The following CDK8 variants were observed in gnomAD, a reference collection of about 807,000 sequenced individuals.
CDK8 encodes the protein cyclin dependent kinase 8.
Under a neutral mutation model 71.5 loss-of-function variants are expected in CDK8, and 29 were observed. That is an observed-to-expected ratio of 0.41 (90% confidence interval 0.30 to 0.55). The LOEUF is 0.55. Ranked by LOEUF, CDK8 falls within the 20% of genes least tolerant of loss-of-function variation. The pLI is 0.37. For missense variants in CDK8, 288 were observed against 572.6 expected (o/e 0.50, Z 5.07); for synonymous variants, 161 against 192.1 (o/e 0.84, Z 1.34).
chr13:26,385,177 T>A (rs1360400302), intron 5 of CDK8, 34 bp from the exon 6 acceptor site: 2 of 1,546,688 alleles, frequency 1.3e-6, no homozygotes, highest in Non-Finnish European at 1.8e-6. Context: ...AAAAATCATT[T>A]ACTTAGCATG....
chr13:26,392,621 C>T (rs897199685), intron 6 of CDK8, among the ~76,000 whole-genome samples: 4 of 152,076 alleles, frequency 2.6e-5, no homozygotes, highest in Admixed American at 2.0e-4. Flanking sequence ...CCACCACACC[C>T]GGCCGAATTT....
intron 1 of CDK8, among the ~76,000 whole-genome samples, chr13:26,257,911 TGTGTGTGTGTGA>T (rs1317505606): frequency 2.1e-5 from 3 of 139,828 alleles, no homozygotes; most frequent in African/African-American, 9.7e-5. Context: ...TGTGTGTGTG[TGTGTGTGTGTGA>T]GAGAGAGAGA....
intron 1 of CDK8, among the ~76,000 whole-genome samples, chr13:26,324,488 T>G (rs149736632): frequency 6.6e-6 from 1 of 152,188 alleles, no homozygotes; most frequent in South Asian, 2.1e-4. Flanking sequence ...GAGTATAACA[T>G]GAACACTTCA....
chr13:26,294,166 T>G (rs531651173), intron 1 of CDK8, among the ~76,000 whole-genome samples: 127 of 151,600 alleles, frequency 8.4e-4, no homozygotes, highest in African/African-American at 2.9e-3. Context: ...GGATCTTGCT[T>G]GGTTGCCCAG....
In CDK8 at chr13:26,329,479, T is replaced by G. The variant is rs1441542245; in HGVS notation, c.129-8088T>G. ...ACCTTGCCTATTTCTGTTTTTTTTT[T>G]TTTGTTTTTTTTTTGTTTGTTTTGT... On this transcript the variant is annotated intron_variant, in intron 1 of 12. Transcript: ENST00000381527. 1.2e-4 allele frequency among the ~76,000 whole-genome samples: 14 copies of G among 118,424 alleles called. No individual in the cohort carries two copies. In the East Asian group the frequency reaches 2.3e-3, roughly 20 times the overall value. The allele number at this position is 118,424 out of a possible 152,430, so 77.7% of individuals were successfully genotyped here. A position where few individuals can be genotyped will look rare whatever the true frequency, so the allele number is the denominator to read the frequency against.
intron 1 of CDK8, among the ~76,000 whole-genome samples, chr13:26,281,004 C>T (rs1872723570): frequency 1.3e-5 from 2 of 152,244 alleles, no homozygotes; most frequent in African/African-American, 2.4e-5. Context: ...GGTGCTCTCT[C>T]AAAACTGCCA....
intron 2 of CDK8, among the ~76,000 whole-genome samples, chr13:26,339,685 A>G (rs1184975413): frequency 1.5e-5 from 2 of 131,084 alleles, no homozygotes; most frequent in Non-Finnish European, 3.4e-5. Context: ...GCGGAAAGAT[A>G]TACTTTCCAT....
intron 1 of CDK8, among the ~76,000 whole-genome samples, chr13:26,289,910 A>G (rs1436896322): frequency 2.0e-5 from 3 of 152,214 alleles, no homozygotes; most frequent in South Asian, 4.2e-4. Flanking sequence ...TTTATTTCTG[A>G]CCTAAGATCT....
At chr13:26,331,653 T>C (rs1190610359) in intron 1 of CDK8, among the ~76,000 whole-genome samples, 1 of 152,216 alleles carries the variant, frequency 6.6e-6, no homozygotes, top group Non-Finnish European at 1.5e-5. Context: ...GAGTTCTTCA[T>C]TCTGCTCCAT....
At chr13:26,286,104 C>G (rs1873006434) in intron 1 of CDK8, among the ~76,000 whole-genome samples, 2 of 152,112 alleles carry the variant, frequency 1.3e-5, no homozygotes, top group African/African-American at 4.8e-5. Flanking sequence ...TCTACAGATT[C>G]AATGCAATTC....
rs1406501724 is a variant in CDK8 at position 26,398,782 on chromosome 13, G to A, written c.933+1557G>A. ...AGGTCAGGAGATTGAGACCATCCTG[G>A]CCAATGTGGTGAAACTCCTAAAAAT... On this transcript the variant is annotated intron_variant, in intron 9 of 12. Coordinates refer to ENST00000381527, the MANE Select transcript of CDK8 (RefSeq NM_001260.3). Among the ~76,000 whole-genome samples the A allele has an allele frequency of 2.0e-5, 3 of 151,880 alleles. No individual in the cohort carries two copies. In the South Asian group the frequency reaches 6.2e-4, roughly 32 times the overall value.
intron 1 of CDK8, among the ~76,000 whole-genome samples, chr13:26,330,612 A>T (rs1488390941): frequency 6.8e-6 from 1 of 146,730 alleles, no homozygotes; most frequent in African/African-American, 2.5e-5. Context: ...CTGTTTTTCC[A>T]CTCTTCCTTC....
chr13:26,390,988 A>C (rs1875717634), intron 6 of CDK8, among the ~76,000 whole-genome samples: 1 of 150,890 alleles, frequency 6.6e-6, no homozygotes, highest in South Asian at 2.1e-4. Context: ...CTTTCCATGA[A>C]TTGGGCACAA....
At chr13:26,317,986 A>G (rs539114862) in intron 1 of CDK8, among the ~76,000 whole-genome samples, 21 of 152,168 alleles carry the variant, frequency 1.4e-4, no homozygotes, top group South Asian at 2.1e-4. Flanking sequence ...TAATAAACCC[A>G]AGAGTTTGGT....
Position 26,401,752 on chromosome 13 carries a change from T to C in CDK8, c.1269+128T>C. The stretch of plus-strand genomic sequence containing the variant: ...CCCAGGGAAATACATTAACATGAAA[T>C]GTTACTGGCATGGAAAAGTACTGAC... On this transcript the variant is annotated intron_variant, in intron 12 of 12. Coordinates refer to ENST00000381527, the MANE Select transcript of CDK8 (RefSeq NM_001260.3). The surrounding 1 kb of genome is among the most constrained non-coding windows in gnomAD (Gnocchi z 4.5). 1.0e-6 allele frequency: 1 copy of C among 980,768 alleles called. No homozygotes were observed. The highest frequency in any genetic ancestry group is 1.5e-6 in the Non-Finnish European group (1 of 650,820). The allele number at this position is 980,768 out of a possible 1,614,324, so 60.8% of individuals were successfully genotyped here.
chr13:26,258,471 A>T (rs1193769655), intron 1 of CDK8, among the ~76,000 whole-genome samples: 1 of 150,532 alleles, frequency 6.6e-6, no homozygotes, highest in Non-Finnish European at 1.5e-5. Flanking sequence ...ATATACACAA[A>T]CATACTTGTG....
chr13:26,372,405 A>G (rs1225953099), intron 4 of CDK8, among the ~76,000 whole-genome samples: 1 of 152,240 alleles, frequency 6.6e-6, no homozygotes, highest in Non-Finnish European at 1.5e-5. Context: ...TATTAGAAAA[A>G]GAAATAATAA....
rs531875127 is a variant in CDK8, at chr13:26,393,976, G to A, written c.790+466G>A. Among the ~76,000 whole-genome samples, 6 of 152,228 alleles carry A rather than the reference G, an allele frequency of 3.9e-5. No individual in the cohort carries two copies. In the South Asian group the frequency reaches 6.2e-4, roughly 16 times the overall value. On this transcript the variant is annotated intron_variant, in intron 7 of 12. Transcript: ENST00000381527. Reference sequence around the variant, plus strand: ...CAGAATCACATTATATTGAATAATAGCATTTAAGTCTTCTCTTAGAACAGT... The same window carrying A: ...CAGAATCACATTATATTGAATAATAACATTTAAGTCTTCTCTTAGAACAGT...
chr13:26,401,179 C>T lies in CDK8; in HGVS notation c.1032-90C>T. The T allele has an allele frequency of 9.9e-7, 1 of 1,014,400 alleles. No individual in the cohort carries two copies. The highest frequency in any genetic ancestry group is 1.5e-6 in the Non-Finnish European group (1 of 673,354). 62.8% of individuals were successfully genotyped at this position (1,014,400 alleles called of 1,614,324 possible). On this transcript the variant is annotated intron_variant, in intron 10 of 12. Transcript: ENST00000381527. This position sits in a 1 kb window ranked among gnomAD's most constrained non-coding sequence, Gnocchi z 4.5. ...TTGCAAATATGGAGACAAAGTTCAT[C>T]TTAAAAGATTAAAATGAGAATCTCC...
Sources: gnomAD v4.1 joint callset for allele counts (sites outside exome capture counted in the v4.1 genomes callset) on GRCh38, gnomAD v4.1.1 for gene constraint, Gnocchi (gnomAD v3.1) non-coding constraint, MANE v1.5 for transcripts, NCBI Gene and HGNC (gene_info 2026-07-23, HGNC 2026-07-21) for gene names.